The following SMIM23 variants were observed in gnomAD, a reference collection of about 807,000 sequenced individuals.
The protein encoded by SMIM23 is small integral membrane protein 23.
A neutral mutation model predicts 12.8 loss-of-function variants in SMIM23; 10 were observed. The observed-to-expected ratio is 0.78, with a 90% CI of 0.48 to 1.32. The LOEUF (loss-of-function observed/expected upper bound fraction) is 1.32. Among genes scored for constraint, SMIM23 ranks in the 40% most tolerant of loss-of-function variants. The probability of loss-of-function intolerance (pLI) is 0.00; values close to 1 mark genes in which losing one functional copy is unlikely to be tolerated. For synonymous variants in SMIM23, 78 were observed against 80.1 expected (o/e 0.97, Z 0.14); for missense variants, 184 against 198.2 (o/e 0.93, Z 0.43).
the SMIM23 span, chr5:171,773,910 G>T: frequency 5.6e-4 from 252 of 451,134 alleles, no homozygotes; most frequent in African/African-American, 4.4e-3. Flanking sequence ...ACATCCCTGT[G>T]GTTGGAGGAC....
chr5:171,774,681 G>C, the SMIM23 span: 1 of 435,686 alleles, frequency 2.3e-6, no homozygotes, highest in African/African-American at 2.2e-5. Context: ...ATCCCAGGAA[G>C]TGTCTTGGAT....
chr5:171,785,539 T>G (rs1036512427), upstream of SMIM23, among the ~76,000 whole-genome samples: 1 of 152,110 alleles, frequency 6.6e-6, no homozygotes, highest in Non-Finnish European at 1.5e-5. Flanking sequence ...TGTGAGCCAC[T>G]GCACCCAAAC....
At chr5:171,781,296 G>A (rs897198016), upstream of SMIM23, among the ~76,000 whole-genome samples, 2 of 152,192 alleles carry the variant, frequency 1.3e-5, no homozygotes, top group African/African-American at 2.4e-5. Flanking sequence ...TGGCGGCTCC[G>A]TCTTCCCTTC....
upstream of SMIM23, among the ~76,000 whole-genome samples, chr5:171,785,049 G>A (rs559675241): frequency 9.8e-5 from 15 of 152,296 alleles, 1 homozygote; most frequent in South Asian, 2.1e-3. Context: ...GGGGTCGGGA[G>A]GCAGCAGCCA....
chr5:171,786,904 A>G (rs1381534985), intron 1 of SMIM23, among the ~76,000 whole-genome samples: 1 of 150,754 alleles, frequency 6.6e-6, no homozygotes, highest in Non-Finnish European at 1.5e-5. Flanking sequence ...CTGCTCATTC[A>G]CGTAAGGAAG....
In SMIM23 at chr5:171,791,052, G is replaced by A. The variant is rs1755917028; in HGVS notation, c.483G>A (p.Gly161=). The A allele has an allele frequency of 1.3e-6, 2 of 1,523,604 alleles. No individual in the cohort carries two copies. The highest frequency in any genetic ancestry group is 2.4e-5 in the South Asian group (2 of 83,144). The allele number at this position is 1,523,604 out of a possible 1,614,324, so 94.4% of individuals were successfully genotyped here. ...ALGREHKGGE[G]LLEISLSGAE... is the part of the protein sequence containing the mutation. ...GGAGAGAGCACAAAGGTGGGGAGGG[G>A]TTGCTAGAGATTTCTCTAAGCGGGG... The change falls in exon 4 of 4, where the codon GGG becomes GGA. Residue 161 remains glycine (G), a synonymous_variant. Coordinates refer to ENST00000523047, the MANE Select transcript of SMIM23 (RefSeq NM_001289970.2).
chr5:171,773,711 C>T, the SMIM23 span: 1 of 450,314 alleles, frequency 2.2e-6, no homozygotes, highest in African/African-American at 2.0e-5. Flanking sequence ...AGCCAGGCCC[C>T]ATCTAAAGGA....
At chr5:171,774,382 C>T in the SMIM23 span, 28 of 455,994 alleles carry the variant, frequency 6.1e-5, 1 homozygote, top group African/African-American at 2.6e-4. Flanking sequence ...AAGGAGCCCA[C>T]GCAGGGTTAC....
chr5:171,790,482 G>A lies in SMIM23; in HGVS notation c.158G>A (p.Gly53Glu). The A allele has an allele frequency of 1.3e-6, 2 of 1,536,726 alleles. No individual in the cohort carries two copies. Among genetic ancestry groups the A allele is most frequent in the Non-Finnish European group, 1.7e-6 (2 of 1,147,042 alleles). The change falls in exon 3 of 4, where the codon GGA (glycine) becomes GAA (glutamate). Residue 53 changes from glycine to glutamate, a missense_variant and splice_region_variant. By Grantham distance (98) the Gly-to-Glu change is moderately conservative (BLOSUM62 -2). Coordinates refer to ENST00000523047, the MANE Select transcript of SMIM23 (RefSeq NM_001289970.2). ...LVLYLSTEIW[G>E]SSWEVSERIR... ...GAGGTGATGTTTGTGCCTGTTTCAG[G>A]AAGCAGTTGGGAGGTGTCAGAAAGG...
chr5:171,774,943 G>C, the SMIM23 span, among the ~76,000 whole-genome samples: 1 of 152,292 alleles, frequency 6.6e-6, no homozygotes, highest in South Asian at 2.1e-4. Flanking sequence ...GACCCCAGCT[G>C]TCTTCAGACC....
At position 171,790,959 on chromosome 5, in the gene SMIM23, A is replaced by G; in HGVS notation, c.390A>G (p.Gly130=). The G allele has an allele frequency of 6.5e-7, 1 of 1,536,088 alleles. No homozygotes were observed. The highest frequency in any genetic ancestry group is 8.7e-7 in the Non-Finnish European group (1 of 1,146,916). The change falls in exon 4 of 4, where the codon GGA becomes GGG. Residue 130 remains glycine (G), a synonymous_variant. Transcript: ENST00000523047. ...AACTGTGGCTGGATGCTCTTCTGGG[A>G]GAGCCACACCAGGAGGAGCACTGCT... ...DLELWLDALL[G]EPHQEEHCST...
chr5:171,773,040 G>A, the SMIM23 span, among the ~76,000 whole-genome samples: 1 of 152,152 alleles, frequency 6.6e-6, no homozygotes, highest in Non-Finnish European at 1.5e-5. Context: ...CATCGCAAAG[G>A]TCTTCTCTTT....
the SMIM23 span, chr5:171,773,794 T>C: frequency 2.2e-6 from 1 of 456,224 alleles, no homozygotes; most frequent in African/African-American, 2.0e-5. Context: ...TCGCTCATTC[T>C]TCAAGAAAAG....
chr5:171,772,828 T>C, the SMIM23 span, among the ~76,000 whole-genome samples: 18 of 152,178 alleles, frequency 1.2e-4, no homozygotes, highest in Non-Finnish European at 5.9e-5. Flanking sequence ...TGTGGGACCG[T>C]CTGGTCGCTG....
chr5:171,777,357 G>A, the SMIM23 span, among the ~76,000 whole-genome samples: 3 of 152,246 alleles, frequency 2.0e-5, no homozygotes, highest in Admixed American at 2.0e-4. Flanking sequence ...CATCCAGGCA[G>A]CCGAACGCCT....
At chr5:171,772,909 T>G in the SMIM23 span, among the ~76,000 whole-genome samples, 1 of 152,344 alleles carries the variant, frequency 6.6e-6, no homozygotes, top group Admixed American at 6.5e-5. Context: ...GAAAAGTATC[T>G]ATTTCACTAA....
intron 1 of SMIM23, among the ~76,000 whole-genome samples, chr5:171,789,654 A>G (rs145232193): frequency 4.1e-4 from 63 of 152,364 alleles, no homozygotes; most frequent in African/African-American, 1.4e-3. Context: ...TTTCGAAAAC[A>G]TTGTCTTAAG....
At chr5:171,773,087 G>T in the SMIM23 span, among the ~76,000 whole-genome samples, 5 of 152,214 alleles carry the variant, frequency 3.3e-5, no homozygotes, top group Non-Finnish European at 5.9e-5. Flanking sequence ...CTGGCCCAGG[G>T]AGTATGTGGA....
At chr5:171,777,859 A>G (rs1173948356), upstream of SMIM23, among the ~76,000 whole-genome samples, 2 of 152,166 alleles carry the variant, frequency 1.3e-5, no homozygotes, top group Admixed American at 6.5e-5. Flanking sequence ...CTTCAAGAGC[A>G]GCAGAAGCCT....
Sources: allele counts gnomAD v4.1 joint callset (sites outside exome capture counted in the v4.1 genomes callset), GRCh38; gene constraint gnomAD v4.1.1; transcripts MANE v1.5; gene names NCBI Gene and HGNC (gene_info 2026-07-23, HGNC 2026-07-21).